The following RNF212B variants were observed in gnomAD, a reference collection of about 807,000 sequenced individuals.
RNF212B encodes ring finger protein 212B.
In RNF212B, 52 loss-of-function variants were observed where a neutral mutation model predicts 55.5. The ratio of observed to expected loss-of-function variants is 0.94; its 90% CI spans 0.75 to 1.18. RNF212B has a LOEUF of 1.18. RNF212B is among the 50% of genes most tolerant of loss of function. The pLI, the probability that RNF212B is intolerant of heterozygous loss-of-function variation, is 0.00. For synonymous variants in RNF212B, 99 were observed against 121.4 expected, an observed-to-expected ratio of 0.82 and a Z score of 1.21; for missense variants, 289 against 350.4, an observed-to-expected ratio of 0.82 and a Z score of 1.40.
At chr14:23,222,467 A>G (rs1881654619) in intron 2 of RNF212B, among the ~76,000 whole-genome samples, 1 of 152,144 alleles carries the variant, frequency 6.6e-6, no homozygotes, top group African/African-American at 2.4e-5. Flanking sequence ...GAAAAATAAC[A>G]AGTAACAAGA....
chr14:23,209,598 C>T (rs971588703), intron 2 of RNF212B, among the ~76,000 whole-genome samples: 2 of 152,066 alleles, frequency 1.3e-5, no homozygotes, highest in Admixed American at 6.6e-5. Context: ...AATACTTTGA[C>T]TTCCAAATTT....
chr14:23,213,799 T>C (rs1438026169), intron 2 of RNF212B, among the ~76,000 whole-genome samples: 1 of 152,072 alleles, frequency 6.6e-6, no homozygotes, highest in Admixed American at 6.6e-5. Flanking sequence ...TGATTCAGCC[T>C]CACAAAATAA....
At chr14:23,255,938 G>A (rs977870) in intron 4 of RNF212B, among the ~76,000 whole-genome samples, 1 of 151,926 alleles carries the variant, frequency 6.6e-6, no homozygotes, top group East Asian at 1.9e-4. Context: ...CAAAATCACT[G>A]CTTCTTTAAT....
intron 2 of RNF212B, among the ~76,000 whole-genome samples, chr14:23,207,292 C>T (rs1197158339): frequency 6.6e-6 from 1 of 152,092 alleles, no homozygotes; most frequent in Non-Finnish European, 1.5e-5. Context: ...CAGTTTCTTA[C>T]CTAGTGATGG....
intron 2 of RNF212B, among the ~76,000 whole-genome samples, chr14:23,216,247 A>G (rs1881061927): frequency 1.3e-5 from 2 of 152,144 alleles, no homozygotes; most frequent in African/African-American, 4.8e-5. Flanking sequence ...CTCCATTTCA[A>G]AAAAACAAAA....
chr14:23,228,163 T>C (rs1157672250), intron 2 of RNF212B, among the ~76,000 whole-genome samples: 1 of 151,232 alleles, frequency 6.6e-6, no homozygotes, highest in African/African-American at 2.4e-5. Flanking sequence ...GTGGTGGAGG[T>C]GGAGATTGCG....
chr14:23,259,513 T>C (rs1885145694), intron 5 of RNF212B: 1 of 155,986 alleles, frequency 6.4e-6, no homozygotes, highest in Non-Finnish European at 1.4e-5. Flanking sequence ...GGGGGCTATG[T>C]TAATCTCCTC....
At position 23,207,848 on chromosome 14, in the gene RNF212B, A is replaced by C. The variant is rs975695698; in HGVS notation, c.-2+14447A>C. On this transcript the variant is annotated intron_variant, in intron 2 of 15. Coordinates refer to the RNF212B transcript ENST00000399910. The stretch of plus-strand genomic sequence containing the variant: ...ACATTTTAGGAAGACATGAGACATC[A>C]ATCAATATATGTAAGAATAACATTG... 2.5e-4 allele frequency among the ~76,000 whole-genome samples: 38 copies of C among 152,202 alleles called. 1 individual carries two copies. The highest frequency in any genetic ancestry group is 8.2e-4 in the African/African-American group (34 of 41,444).
At chr14:23,232,118 G>C (rs553073562) in intron 2 of RNF212B, among the ~76,000 whole-genome samples, 88 of 151,930 alleles carry the variant, frequency 5.8e-4, no homozygotes, top group African/African-American at 2.1e-3. Context: ...TCTGGGATGT[G>C]AGGAGCCCCT....
intron 2 of RNF212B, among the ~76,000 whole-genome samples, chr14:23,205,646 A>G (rs28856273): frequency 0.49 from 74,212 of 151,982 alleles, 20,068 homozygotes; most frequent in African/African-American, 0.73. Flanking sequence ...GGCTGAACTA[A>G]CTTTGGGAAG....
chr14:23,195,636 A>C (rs1878586035), intron 2 of RNF212B, among the ~76,000 whole-genome samples: 1 of 152,018 alleles, frequency 6.6e-6, no homozygotes, highest in Non-Finnish European at 1.5e-5. Context: ...CCACACCTCA[A>C]ATGAAACCTG....
At chr14:23,262,356 G>A (rs1360332713) in intron 7 of RNF212B, among the ~76,000 whole-genome samples, 1 of 152,148 alleles carries the variant, frequency 6.6e-6, no homozygotes, top group Admixed American at 6.5e-5. Flanking sequence ...TGTATGAATG[G>A]ATGGACAGAT....
intron 2 of RNF212B, among the ~76,000 whole-genome samples, chr14:23,211,737 T>A (rs564584772): frequency 6.6e-6 from 1 of 152,320 alleles, no homozygotes; most frequent in South Asian, 2.1e-4. Flanking sequence ...GTATTATTAT[T>A]TTTGAGACAG....
intron 2 of RNF212B, among the ~76,000 whole-genome samples, chr14:23,241,766 T>A (rs1432882788): frequency 1.3e-5 from 2 of 151,762 alleles, no homozygotes; most frequent in Non-Finnish European, 2.9e-5. Context: ...TCTAGCTCAC[T>A]CTGGCAACGT....
intron 2 of RNF212B, among the ~76,000 whole-genome samples, chr14:23,217,016 C>T (rs756872928): frequency 3.3e-5 from 5 of 150,842 alleles, no homozygotes; most frequent in Non-Finnish European, 7.4e-5. Flanking sequence ...AGAATGGGGA[C>T]AGGCACAGAA....
chr14:23,248,012 A>G (rs1884110378), intron 4 of RNF212B, among the ~76,000 whole-genome samples: 1 of 152,104 alleles, frequency 6.6e-6, no homozygotes, highest in African/African-American at 2.4e-5. Context: ...GCACTAACAG[A>G]TTCAGTGTCG....
At chr14:23,199,150 C>T (rs539656695) in intron 2 of RNF212B, among the ~76,000 whole-genome samples, 5 of 152,238 alleles carry the variant, frequency 3.3e-5, no homozygotes, top group South Asian at 2.1e-4. Context: ...GACATGTGTC[C>T]GTGACAGCCT....
intron 4 of RNF212B, among the ~76,000 whole-genome samples, chr14:23,252,128 C>T (rs1459795718): frequency 1.3e-5 from 2 of 152,120 alleles, no homozygotes; most frequent in African/African-American, 4.8e-5. Flanking sequence ...CCCCAACCCT[C>T]TAAACAGTGT....
chr14:23,236,822 G>A (rs561194131), upstream of RNF212B, among the ~76,000 whole-genome samples: 1 of 151,352 alleles, frequency 6.6e-6, no homozygotes, highest in African/African-American at 2.4e-5. Flanking sequence ...TTTGCCAGTG[G>A]CCTTTATACC....
Sources: gnomAD v4.1 joint callset for allele counts (sites outside exome capture counted in the v4.1 genomes callset) on GRCh38, gnomAD v4.1.1 for gene constraint, MANE v1.5 for transcripts, NCBI Gene and HGNC (gene_info 2026-07-23, HGNC 2026-07-21) for gene names.